Variants in STK32C observed in about 807,000 individuals in gnomAD.
STK32C encodes serine/threonine-protein kinase 32C.
Under a neutral mutation model 56.5 loss-of-function variants are expected in STK32C, and 31 were observed. The ratio of observed to expected loss-of-function variants is 0.55; its 90% CI spans 0.41 to 0.74. STK32C has a LOEUF of 0.74. Among genes scored for constraint, STK32C ranks in the 30% least tolerant of loss-of-function variants. The probability of loss-of-function intolerance (pLI) is 0.00; values close to 1 mark genes in which losing one functional copy is unlikely to be tolerated. For synonymous variants in STK32C, 309 were observed against 289.4 expected, an observed-to-expected ratio of 1.07 and a Z score of -0.69; for missense variants, 544 against 676.9, an observed-to-expected ratio of 0.80 and a Z score of 2.18.
chr10:132,211,399 G>A (rs1422211928), intron 10 of STK32C, among the ~76,000 whole-genome samples: 1 of 152,208 alleles, frequency 6.6e-6, no homozygotes, highest in Non-Finnish European at 1.5e-5. Context: ...AGTGGCAGGG[G>A]CTGTTGGTCA....
chr10:132,225,911 T>C, intron 4 of STK32C, 127 bp from the exon 5 acceptor site: 4 of 1,254,946 alleles, frequency 3.2e-6, no homozygotes, highest in Non-Finnish European at 4.5e-6. Context: ...GCCTGGGAGC[T>C]TGACTTGGTC....
rs759047707 is a variant in STK32C, at chr10:132,307,729, C to A, written c.105G>T (p.Leu35=). 104 of 1,215,712 alleles carry A rather than the reference C, an allele frequency of 8.6e-5. No individual in the cohort carries two copies. Among genetic ancestry groups the A allele is most frequent in the Non-Finnish European group, 1.0e-5 (10 of 969,664 alleles). 75.3% of individuals were successfully genotyped at this position (1,215,712 alleles called of 1,614,324 possible). A position where few individuals can be genotyped will look rare whatever the true frequency, so the allele number is the denominator to read the frequency against. ...RPAGSDAPSA[L]PPPAAGQPRA... is the part of the protein sequence containing the mutation. ...GGGGCTGGCCAGCAGCGGGCGGCGG[C>A]AGGGCCGAGGGCGCGTCGGAGCCGG... The change falls in exon 1 of 12, where the codon CTG becomes CTT. Residue 35 remains leucine (L), a synonymous_variant. Transcript: ENST00000298630. This position sits in a 1 kb window ranked among gnomAD's most constrained non-coding sequence, Gnocchi z 4.4.
At chr10:132,209,204 G>T in intron 10 of STK32C, 103 bp from the exon 11 acceptor site, 1 of 1,092,174 alleles carries the variant, frequency 9.2e-7, no homozygotes, top group Non-Finnish European at 1.4e-6. Context: ...CTCCACCTGT[G>T]GCTTTGGATG....
intron 2 of STK32C, among the ~76,000 whole-genome samples, chr10:132,236,192 C>T (rs34990849): frequency 0.018 from 2,800 of 152,334 alleles, 42 homozygotes; most frequent in Admixed American, 0.044. Flanking sequence ...GAAAGGACCC[C>T]TGGCCCCTTC....
chr10:132,240,918 C>T (rs1294810542), intron 2 of STK32C, among the ~76,000 whole-genome samples: 1 of 152,176 alleles, frequency 6.6e-6, no homozygotes, highest in Non-Finnish European at 1.5e-5. Flanking sequence ...GGCACCACAC[C>T]CCTAGAGACA....
At chr10:132,266,697 G>A (rs915872727) in intron 1 of STK32C, among the ~76,000 whole-genome samples, 7 of 151,954 alleles carry the variant, frequency 4.6e-5, no homozygotes, top group African/African-American at 9.7e-5. Flanking sequence ...AGGAAGGAAC[G>A]CGGGCGTGGG....
At chr10:132,244,500 G>A (rs1277746461) in intron 2 of STK32C, among the ~76,000 whole-genome samples, 3 of 152,148 alleles carry the variant, frequency 2.0e-5, no homozygotes, top group Non-Finnish European at 4.4e-5. Flanking sequence ...GAGATGCTGG[G>A]GGCCCCAGGA....
At chr10:132,319,931 A>G (rs1379965724), downstream of STK32C, among the ~76,000 whole-genome samples, 1 of 150,560 alleles carries the variant, frequency 6.6e-6, no homozygotes, top group Non-Finnish European at 1.5e-5. Flanking sequence ...ACTTTCTCCC[A>G]GGGTGGAGTA....
At chr10:132,235,663 CAG>C (rs1414755901) in intron 2 of STK32C, among the ~76,000 whole-genome samples, 1 of 152,122 alleles carries the variant, frequency 6.6e-6, no homozygotes, top group East Asian at 1.9e-4. Context: ...GCTCAGGACA[CAG>C]AGCCATCTGG....
chr10:132,226,058 C>T (rs535035374), intron 4 of STK32C, among the ~76,000 whole-genome samples: 3 of 152,338 alleles, frequency 2.0e-5, no homozygotes, highest in South Asian at 2.1e-4. Context: ...CCCCAGAGGA[C>T]GAGAGCAATT....
chr10:132,278,854 C>T (rs1427067611), intron 1 of STK32C, among the ~76,000 whole-genome samples: 1 of 151,786 alleles, frequency 6.6e-6, no homozygotes, highest in East Asian at 1.9e-4. Flanking sequence ...TTACAAGGAA[C>T]TTATACAGAT....
At chr10:132,289,778 C>T (rs983835392) in intron 1 of STK32C, among the ~76,000 whole-genome samples, 2 of 152,150 alleles carry the variant, frequency 1.3e-5, no homozygotes, top group South Asian at 4.1e-4. Flanking sequence ...GGGTTCCACC[C>T]TTATCACCTA....
At chr10:132,331,346 G>T (rs1360473562) in intron 1 of STK32C, 1 of 1,337,656 alleles carries the variant, frequency 7.5e-7, no homozygotes, top group Non-Finnish European at 1.0e-6. Flanking sequence ...GGACTCCAGG[G>T]TTCCACAGGA....
chr10:132,303,909 G>A (rs1047765666), intron 1 of STK32C, among the ~76,000 whole-genome samples: 8 of 152,122 alleles, frequency 5.3e-5, no homozygotes, highest in East Asian at 1.9e-4. Context: ...GGTGCCTCCC[G>A]CCACCCACTG....
At chr10:132,210,304 T>A (rs917681917) in intron 10 of STK32C, among the ~76,000 whole-genome samples, 1 of 152,254 alleles carries the variant, frequency 6.6e-6, no homozygotes, top group Non-Finnish European at 1.5e-5. Flanking sequence ...TCACCCAGAC[T>A]AGAGTGCAGT....
chr10:132,226,766 G>A, intron 4 of STK32C, 29 bp downstream of exon 4: 2 of 1,603,954 alleles, frequency 1.2e-6, no homozygotes, highest in Non-Finnish European at 1.7e-6. Context: ...CACCTCAGCA[G>A]GTACCTGCGC....
chr10:132,306,561 T>C (rs760471695), intron 1 of STK32C, among the ~76,000 whole-genome samples: 12 of 152,228 alleles, frequency 7.9e-5, no homozygotes, highest in Non-Finnish European at 8.8e-5. Context: ...TGAGGTCGTA[T>C]TACTGTAATT....
chr10:132,250,899 G>A (rs1190746825), intron 1 of STK32C, among the ~76,000 whole-genome samples: 1 of 152,224 alleles, frequency 6.6e-6, no homozygotes, highest in African/African-American at 2.4e-5. Context: ...CTGCCTCATG[G>A]TGGGCTCCAT....
At chr10:132,271,925 C>G (rs538116458) in intron 1 of STK32C, among the ~76,000 whole-genome samples, 2 of 152,224 alleles carry the variant, frequency 1.3e-5, no homozygotes, top group Non-Finnish European at 2.9e-5. Context: ...GCTCAGTGCC[C>G]GGACGCCCGG....
Sources: allele counts gnomAD v4.1 joint callset (sites outside exome capture counted in the v4.1 genomes callset), GRCh38; gene constraint gnomAD v4.1.1; non-coding constraint Gnocchi (gnomAD v3.1); transcripts MANE v1.5; gene names NCBI Gene and HGNC (gene_info 2026-07-23, HGNC 2026-07-21).